FGF14: variants seen among roughly 807,000 people sequenced by gnomAD.
FGF14 encodes the protein fibroblast growth factor homologous factor 4.
In FGF14, 5 loss-of-function variants were observed where a neutral mutation model predicts 25.5. The ratio of observed to expected loss-of-function variants is 0.20; its 90% CI spans 0.10 to 0.41. The LOEUF (loss-of-function observed/expected upper bound fraction) is 0.41. FGF14 is among the 10% of genes least tolerant of loss of function. The pLI is 1.00. For synonymous variants in FGF14, 138 were observed against 118.3 expected (o/e 1.17, Z -1.08); for missense variants, 222 against 320.1 (o/e 0.69, Z 2.34).
chr13:102,116,013 G>A (rs1033830506), intron 1 of FGF14, among the ~76,000 whole-genome samples: 5 of 152,076 alleles, frequency 3.3e-5, no homozygotes, highest in African/African-American at 7.2e-5. Context: ...AGGAGGCTGA[G>A]GCAGGAGAAT....
chr13:101,874,084 A>G (rs1015647076), intron 2 of FGF14, among the ~76,000 whole-genome samples: 4 of 152,104 alleles, frequency 2.6e-5, no homozygotes, highest in Admixed American at 2.6e-4. Flanking sequence ...GATATTTCAC[A>G]TGGCAAAACG....
At chr13:102,040,273 T>A (rs2041668734) in intron 1 of FGF14, among the ~76,000 whole-genome samples, 1 of 152,188 alleles carries the variant, frequency 6.6e-6, no homozygotes, top group Non-Finnish European at 1.5e-5. Context: ...AAGTATTTCT[T>A]CCTTATTAGC....
intron 1 of FGF14, among the ~76,000 whole-genome samples, chr13:102,389,129 T>C (rs1249748445): frequency 6.6e-6 from 1 of 152,130 alleles, no homozygotes; most frequent in Non-Finnish European, 1.5e-5. Context: ...TCTTCCCCTT[T>C]CATCCTCGAT....
intron 3 of FGF14, among the ~76,000 whole-genome samples, chr13:101,756,850 AT>A (rs2037700969): frequency 6.6e-6 from 1 of 152,196 alleles, no homozygotes; most frequent in Non-Finnish European, 1.5e-5. Flanking sequence ...CTGAGCCCAG[AT>A]TTTTTCTGTC....
rs1450105003 is a variant in FGF14, at chr13:102,311,569, CA to C, written c.208+89901del. On this transcript the variant is annotated intron_variant, in intron 1 of 4. Coordinates refer to the FGF14 transcript ENST00000376131. ...TCCCATTACAATTCAGAAGTGCTGT[CA>C]TACTACCAGAACCAAAAATAAAGCT... Among the ~76,000 whole-genome samples, 5 of 152,028 alleles carry C rather than the reference CA, an allele frequency of 3.3e-5. No homozygotes were observed. In the East Asian group the frequency reaches 9.6e-4, roughly 29 times the overall value.
chr13:102,139,907 T>C lies in FGF14; in HGVS notation c.208+261564A>G, dbSNP rs535732542. Among the ~76,000 whole-genome samples the C allele has an allele frequency of 2.9e-3, 440 of 152,294 alleles. 2 individuals carry two copies. The highest frequency in any genetic ancestry group is 9.9e-3 in the African/African-American group (410 of 41,576). On this transcript the variant is annotated intron_variant, in intron 1 of 4. Transcript: ENST00000376131. ...GCATGCCTTCCAGGGGTGCCTGATA[T>C]ACCAGATATTTTCATTGTCATGTAA... is the stretch of plus-strand genomic sequence containing the variant.
intron 1 of FGF14, among the ~76,000 whole-genome samples, chr13:102,329,972 T>C (rs542452193): frequency 6.6e-6 from 1 of 152,268 alleles, no homozygotes; most frequent in South Asian, 2.1e-4. Context: ...TGAACCTGAC[T>C]TGAGCATCAT....
chr13:101,960,420 C>T (rs12430805), intron 1 of FGF14, among the ~76,000 whole-genome samples: 15,408 of 152,208 alleles, frequency 0.1, 911 homozygotes, highest in Admixed American at 0.2. Context: ...CACATGTTCT[C>T]ATTGTTCAGC....
At chr13:101,962,021 G>T (rs1041712350) in intron 1 of FGF14, among the ~76,000 whole-genome samples, 1 of 151,772 alleles carries the variant, frequency 6.6e-6, no homozygotes, top group Non-Finnish European at 1.5e-5. Flanking sequence ...TGTTCTATTT[G>T]CTTAGGATTG....
chr13:101,798,311 G>A (rs2140123821), intron 3 of FGF14, among the ~76,000 whole-genome samples: 1 of 152,192 alleles, frequency 6.6e-6, no homozygotes, highest in Non-Finnish European at 1.5e-5. Context: ...AAACCAACAA[G>A]GAAGGAGGTA....
intron 1 of FGF14, among the ~76,000 whole-genome samples, chr13:102,026,258 G>A (rs1044499333): frequency 2.0e-5 from 3 of 151,852 alleles, no homozygotes; most frequent in Non-Finnish European, 4.4e-5. Context: ...ATGTATGTAC[G>A]TAACAACAAC....
At chr13:102,233,841 C>T (rs1375573511) in intron 1 of FGF14, among the ~76,000 whole-genome samples, 1 of 152,168 alleles carries the variant, frequency 6.6e-6, no homozygotes, top group Admixed American at 6.5e-5. Context: ...TAACTGAAGC[C>T]TCTATTTGCA....
chr13:101,958,786 G>T (rs145423994), intron 1 of FGF14, among the ~76,000 whole-genome samples: 6 of 152,302 alleles, frequency 3.9e-5, no homozygotes, highest in African/African-American at 9.6e-5. Context: ...CAAAGCAAGG[G>T]TATTTTATAA....
At chr13:102,239,503 C>T (rs1036654102) in intron 1 of FGF14, among the ~76,000 whole-genome samples, 5 of 152,074 alleles carry the variant, frequency 3.3e-5, no homozygotes, top group Non-Finnish European at 7.4e-5. Flanking sequence ...GCAAGGCTTA[C>T]GGAAGACTCC....
chr13:101,871,159 ACT>A (rs1320918791), intron 2 of FGF14, among the ~76,000 whole-genome samples: 1 of 151,926 alleles, frequency 6.6e-6, no homozygotes, highest in Non-Finnish European at 1.5e-5. Flanking sequence ...TTATTTCTCC[ACT>A]CTCTTTGCTT....
rs534728291 is a variant in FGF14 at position 102,283,136 on chromosome 13, G to A, written c.208+118335C>T. 5.9e-5 allele frequency among the ~76,000 whole-genome samples: 9 copies of A among 152,228 alleles called. No homozygotes were observed. In the South Asian group the frequency reaches 1.9e-3, roughly 32 times the overall value. Reference sequence around the variant, plus strand: ...CCCCAGCTCCTGCCATCACGCTCATGTTCCACTCAATGGAGACAAGAAAAG... The same window carrying A: ...CCCCAGCTCCTGCCATCACGCTCATATTCCACTCAATGGAGACAAGAAAAG... On this transcript the variant is annotated intron_variant, in intron 1 of 4. Coordinates refer to the FGF14 transcript ENST00000376131.
At chr13:101,809,586 T>C (rs1418261335) in intron 3 of FGF14, among the ~76,000 whole-genome samples, 19 of 152,154 alleles carry the variant, frequency 1.2e-4, no homozygotes, top group Admixed American at 1.2e-3. Context: ...AAGAGACATA[T>C]AGAAAAGCAA....
chr13:102,025,403 T>C (rs2040872692), intron 1 of FGF14, among the ~76,000 whole-genome samples: 1 of 152,036 alleles, frequency 6.6e-6, no homozygotes, highest in African/African-American at 2.4e-5. Context: ...TAGCTCTCAG[T>C]GAACAAGTAT....
At chr13:102,042,697 ATCTC>A (rs1260039609) in intron 1 of FGF14, among the ~76,000 whole-genome samples, 1 of 152,186 alleles carries the variant, frequency 6.6e-6, no homozygotes, top group African/African-American at 2.4e-5. Context: ...ATGGAACATA[ATCTC>A]TCTAATATTA....
Sources: allele counts gnomAD v4.1 joint callset (sites outside exome capture counted in the v4.1 genomes callset), GRCh38; gene constraint gnomAD v4.1.1; transcripts MANE v1.5; gene names NCBI Gene and HGNC (gene_info 2026-07-23, HGNC 2026-07-21).